FANCI: variants seen among roughly 807,000 people sequenced by gnomAD.
FANCI encodes FA complementation group I, also known as Fanconi anemia group I protein.
Under a neutral mutation model 176.1 loss-of-function variants are expected in FANCI, and 156 were observed. That is an observed-to-expected ratio of 0.89 (90% CI 0.78 to 1.01). The LOEUF (loss-of-function observed/expected upper bound fraction) is 1.01. Among genes scored for constraint, FANCI ranks in the 50% least tolerant of loss-of-function variants. FANCI has a pLI of 0.00. For synonymous variants in FANCI, 613 were observed against 541.7 expected, an observed-to-expected ratio of 1.13 and a Z score of -1.83; for missense variants, 1,678 against 1,534.1, an observed-to-expected ratio of 1.09 and a Z score of -1.57.
intron 2 of FANCI, among the ~76,000 whole-genome samples, chr15:89,252,197 G>A (rs763268350): frequency 5.9e-5 from 9 of 151,882 alleles, no homozygotes; most frequent in African/African-American, 2.2e-4. Context: ...CTACTCGGGA[G>A]GCTGAGGCAG....
intron 37 of FANCI, among the ~76,000 whole-genome samples, chr15:89,316,100 A>G (rs2055237796): frequency 6.6e-6 from 1 of 152,208 alleles, no homozygotes; most frequent in Non-Finnish European, 1.5e-5. Flanking sequence ...AGCTGCACTC[A>G]GGAGAGTCAT....
chr15:89,300,809 C>T (rs1294236949), intron 26 of FANCI, among the ~76,000 whole-genome samples: 1 of 152,172 alleles, frequency 6.6e-6, no homozygotes, highest in Non-Finnish European at 1.5e-5. Context: ...TTTTATTTAA[C>T]AAGTAATTCT....
chr15:89,298,552 G>A (rs1291334956), intron 24 of FANCI, among the ~76,000 whole-genome samples: 2 of 151,980 alleles, frequency 1.3e-5, no homozygotes, highest in African/African-American at 4.8e-5. Context: ...TCCACATTAA[G>A]AAAATAGAAA....
intron 10 of FANCI, 68 bp from the exon 11 acceptor site, chr15:89,273,309 T>TAA: frequency 5.3e-6 from 4 of 752,800 alleles, no homozygotes; most frequent in East Asian, 2.8e-5. Flanking sequence ...CTTTTTTTTT[T>TAA]TAAAAAAAAA....
chr15:89,315,534 C>T (rs1459442033), intron 37 of FANCI, 145 bp downstream of exon 37: 2 of 687,052 alleles, frequency 2.9e-6, no homozygotes, highest in Non-Finnish European at 5.3e-6. Context: ...AAAGGACTCT[C>T]AGAAGGGTTG....
intron 9 of FANCI, among the ~76,000 whole-genome samples, chr15:89,266,962 G>A (rs1260255715): frequency 6.6e-6 from 1 of 151,986 alleles, no homozygotes; most frequent in Non-Finnish European, 1.5e-5. Context: ...GCTGAACTGG[G>A]GATAAGACTG....
intron 11 of FANCI, 84 bp from the exon 12 acceptor site, chr15:89,274,084 T>G: frequency 1.8e-6 from 2 of 1,101,344 alleles, no homozygotes; most frequent in Non-Finnish European, 2.6e-6. Flanking sequence ...ATATTTGCTT[T>G]ATTTTCTTAT....
chr15:89,314,777 C>A, intron 36 of FANCI, 70 bp downstream of exon 36: 1 of 1,130,034 alleles, frequency 8.8e-7, no homozygotes, highest in Non-Finnish European at 1.3e-6. Flanking sequence ...ACTGAAGCAG[C>A]ACAACTACAA....
chr15:89,263,420 T>A lies in FANCI; in HGVS notation c.505T>A (p.Trp169Arg), dbSNP rs201261639. ...QLINTLCSGR[W>R]DQQYVIQLTS... ...AACTTTGTCATTTTCTTCTACCAGG[T>A]GGGATCAGCAATATGTAATCCAACT... is the stretch of plus-strand genomic sequence containing the variant. Residue 169 changes from tryptophan to arginine, a missense_variant and splice_region_variant, in exon 7 of 38, where the codon TGG becomes AGG. Trp to Arg is a moderately radical substitution (Grantham distance 101). Coordinates refer to ENST00000310775, the MANE Select transcript of FANCI (RefSeq NM_001113378.2). 1 of 1,612,576 alleles carries A rather than the reference T, an allele frequency of 6.2e-7. No homozygotes were observed.
intron 34 of FANCI, among the ~76,000 whole-genome samples, chr15:89,310,813 A>G (rs1183584603): frequency 6.6e-6 from 1 of 152,224 alleles, no homozygotes; most frequent in Non-Finnish European, 1.5e-5. Flanking sequence ...CCTGCCCAGA[A>G]CTGTATACCT....
intron 23 of FANCI, 144 bp from the exon 24 acceptor site, chr15:89,294,771 G>A: frequency 2.7e-6 from 2 of 740,476 alleles, no homozygotes; most frequent in East Asian, 5.5e-5. Context: ...AGCTTGGGCT[G>A]CCTAGAGAGT....
At chr15:89,312,318 G>A (rs1418642892) in intron 34 of FANCI, among the ~76,000 whole-genome samples, 1 of 152,114 alleles carries the variant, frequency 6.6e-6, no homozygotes, top group Non-Finnish European at 1.5e-5. Context: ...CCCCTTGGCT[G>A]ACCCACTGCA....
intron 29 of FANCI, 34 bp downstream of exon 29, chr15:89,305,276 G>A: frequency 6.2e-7 from 1 of 1,614,224 alleles, no homozygotes; most frequent in East Asian, 2.2e-5. Context: ...AATACCCTGT[G>A]TGGGGATGGG....
rs148334426 is a variant in FANCI, at chr15:89,274,980, A to G, written c.1112+676A>G. Among the ~76,000 whole-genome samples the G allele has an allele frequency of 5.2e-4, 79 of 151,414 alleles. 1 individual carries two copies. The highest frequency in any genetic ancestry group is 1.9e-3 in the African/African-American group (77 of 41,278). ...AGTGCAATGGCTATTCACAGGCTCT[A>G]TTATAGCACGGTAAAGCCTCAAACT... On this transcript the variant is annotated intron_variant, in intron 12 of 37. Transcript: ENST00000310775.
chr15:89,287,516 A>G (rs895551401), intron 18 of FANCI, among the ~76,000 whole-genome samples: 7 of 151,804 alleles, frequency 4.6e-5, no homozygotes, highest in African/African-American at 1.2e-4. Context: ...CTAATCATTC[A>G]TATGTTCACT....
At chr15:89,284,526 A>G (rs2053742592) in intron 17 of FANCI, among the ~76,000 whole-genome samples, 1 of 152,246 alleles carries the variant, frequency 6.6e-6, no homozygotes, top group African/African-American at 2.4e-5. Flanking sequence ...GCCCAAGGTT[A>G]TATAACCAAG....
At chr15:89,317,166 A>T (rs2055299241), downstream of FANCI, 1 of 615,934 alleles carries the variant, frequency 1.6e-6, no homozygotes, top group South Asian at 1.9e-5. Context: ...AGGTACAGGT[A>T]GAATATTTGA....
chr15:89,305,163 A>T lies in FANCI; in HGVS notation c.3107A>T (p.His1036Leu), dbSNP rs2054669019. ...KSLMNLLFSL[H>L]VSYKSPVILL... is the part of the protein sequence containing the mutation. ...TTGATGAACTTGCTCTTCAGCCTGC[A>T]TGTTTCGTATAAGAGTCCTGTCATT... Residue 1036 changes from histidine to leucine, a missense_variant, in exon 29 of 38, where the codon CAT becomes CTT. Physicochemically the swap from His to Leu is moderately conservative, Grantham distance 99 (BLOSUM62 -3). Transcript: ENST00000310775. 3.1e-6 allele frequency: 5 copies of T among 1,614,066 alleles called. No individual in the cohort carries two copies. In the South Asian group the frequency reaches 4.4e-5, roughly 14 times the overall value.
rs112582285 is a variant in FANCI at position 89,307,642 on chromosome 15, C to T, written c.3621C>T (p.Pro1207=). 6.2e-7 allele frequency: 1 copy of T among 1,614,142 alleles called. No individual in the cohort carries two copies. Among genetic ancestry groups the T allele is most frequent in the Non-Finnish European group, 8.5e-7 (1 of 1,180,028 alleles). Residue 1207 remains proline (P), a synonymous_variant, in exon 34 of 38, where the codon CCC becomes CCT. Transcript: ENST00000310775. ...LVKLSGSHLT[P]LCYSFISYVQ... is the part of the protein sequence containing the mutation. ...AGCTGTCTGGTTCTCATCTGACCCC[C>T]CTGTGTTATTCTTTCATTTCTTACG... is the stretch of plus-strand genomic sequence containing the variant.
Sources: gnomAD v4.1 joint callset for allele counts (sites outside exome capture counted in the v4.1 genomes callset) on GRCh38, gnomAD v4.1.1 for gene constraint, MANE v1.5 for transcripts, NCBI Gene and HGNC (gene_info 2026-07-23, HGNC 2026-07-21) for gene names.